CYYR1: variants seen among roughly 807,000 people sequenced by gnomAD.
CYYR1 encodes cysteine and tyrosine rich 1.
In CYYR1, 14 loss-of-function variants were observed where a neutral mutation model predicts 15.2. That is an observed-to-expected ratio of 0.92 (90% CI 0.61 to 1.44). The LOEUF (loss-of-function observed/expected upper bound fraction) is 1.44. Ranked by LOEUF, CYYR1 falls within the 40% of genes most tolerant of loss-of-function variation. The pLI, the probability that CYYR1 is intolerant of heterozygous loss-of-function variation, is 0.00. For synonymous variants in CYYR1, 80 were observed against 77.4 expected, an observed-to-expected ratio of 1.03 and a Z score of -0.18; for missense variants, 228 against 209.5, an observed-to-expected ratio of 1.09 and a Z score of -0.54.
chr21:26,544,673 G>C lies in CYYR1; in HGVS notation c.176+21593C>G, dbSNP rs117021329. 4.1e-3 allele frequency among the ~76,000 whole-genome samples: 630 copies of C among 152,302 alleles called. 5 individuals carry two copies. Among genetic ancestry groups the C allele is most frequent in the Non-Finnish European group, 5.6e-3 (380 of 68,018 alleles). On this transcript the variant is annotated intron_variant, in intron 2 of 3. Transcript: ENST00000652641. Reference sequence around the variant, plus strand: ...GGATCGATGATAATGTCAGAGGAAAGAGAATTGTATTAAAATTATTAAACA... The same window carrying C: ...GGATCGATGATAATGTCAGAGGAAACAGAATTGTATTAAAATTATTAAACA...
intron 2 of CYYR1, among the ~76,000 whole-genome samples, chr21:26,518,767 C>T (rs1373968483): frequency 6.6e-6 from 1 of 152,190 alleles, no homozygotes; most frequent in Non-Finnish European, 1.5e-5. Context: ...TGACACTTAA[C>T]AAATGCTTCA....
In CYYR1 at chr21:26,474,274, C is replaced by T. The variant is rs57715509; in HGVS notation, c.335-5640G>A. The stretch of plus-strand genomic sequence containing the variant: ...TTCACCATGTTGGTCAGGCTGGTCT[C>T]GAACTTCTGACCTCATGATCCTCCC... On this transcript the variant is annotated intron_variant, in intron 3 of 3. Coordinates refer to ENST00000652641, the MANE Select transcript of CYYR1 (RefSeq NM_001320768.2). 3.2e-3 allele frequency among the ~76,000 whole-genome samples: 484 copies of T among 151,904 alleles called. 2 individuals carry two copies. Among genetic ancestry groups the T allele is most frequent in the African/African-American group, 0.011 (461 of 41,460 alleles).
intron 2 of CYYR1, among the ~76,000 whole-genome samples, chr21:26,501,286 G>A (rs942351797): frequency 3.3e-5 from 5 of 152,192 alleles, no homozygotes; most frequent in East Asian, 1.9e-4. Context: ...GCAGTGAGCC[G>A]AGATTGCACC....
chr21:26,544,850 T>C (rs565334757), intron 2 of CYYR1, among the ~76,000 whole-genome samples: 11 of 151,674 alleles, frequency 7.3e-5, no homozygotes, highest in South Asian at 2.1e-4. Flanking sequence ...CTTTGGGAGG[T>C]TGAGGTGGAT....
At chr21:26,536,364 CT>C (rs376504053) in intron 2 of CYYR1, among the ~76,000 whole-genome samples, 27 of 152,202 alleles carry the variant, frequency 1.8e-4, no homozygotes, top group African/African-American at 5.5e-4. Context: ...CTTTATTATG[CT>C]TTTAATAAAT....
At chr21:26,541,720 C>T (rs1267645082) in intron 2 of CYYR1, among the ~76,000 whole-genome samples, 1 of 152,074 alleles carries the variant, frequency 6.6e-6, no homozygotes, top group African/African-American at 2.4e-5. Context: ...GTTTGCATAG[C>T]ATCTTATGTA....
chr21:26,509,747 G>A (rs547309914), intron 2 of CYYR1, among the ~76,000 whole-genome samples: 2 of 152,240 alleles, frequency 1.3e-5, no homozygotes, highest in Admixed American at 1.3e-4. Flanking sequence ...TTGCTACCGA[G>A]GATCTCACGA....
At position 26,526,111 on chromosome 21, in the gene CYYR1, G is replaced by A. The variant is rs939109886; in HGVS notation, c.176+40155C>T. Among the ~76,000 whole-genome samples, 6 of 152,022 alleles carry A rather than the reference G, an allele frequency of 3.9e-5. No homozygotes were observed. The East Asian group carries it at 9.7e-4, about 24-fold the overall frequency. On this transcript the variant is annotated intron_variant, in intron 2 of 3. Transcript: ENST00000652641. ...AATAATCTGTACAACAAACCCCCAC[G>A]ACACAAGTTTACTTATGTAACAAAC...
intron 2 of CYYR1, among the ~76,000 whole-genome samples, chr21:26,516,755 G>C (rs60846461): frequency 0.047 from 7,109 of 152,260 alleles, 199 homozygotes; most frequent in African/African-American, 0.061. Context: ...TTAACATTCA[G>C]CTATAAGCTA....
intron 3 of CYYR1, among the ~76,000 whole-genome samples, chr21:26,475,862 G>A (rs2065096423): frequency 6.6e-6 from 1 of 152,130 alleles, no homozygotes; most frequent in Non-Finnish European, 1.5e-5. Flanking sequence ...TTTCCTTCCA[G>A]TGTCTTCAAG....
At chr21:26,502,541 T>A (rs1158141459) in intron 2 of CYYR1, among the ~76,000 whole-genome samples, 1 of 152,262 alleles carries the variant, frequency 6.6e-6, no homozygotes, top group South Asian at 2.1e-4. Flanking sequence ...ACAAATTATT[T>A]CAGGCTATGA....
At position 26,466,980 on chromosome 21, in the gene CYYR1, T is replaced by C. The variant is rs560383993; in HGVS notation, c.*1521A>G. On this transcript the variant is annotated 3_prime_UTR_variant, in exon 4 of 4. Coordinates refer to ENST00000652641, the MANE Select transcript of CYYR1 (RefSeq NM_001320768.2). Reference sequence around the variant, plus strand: ...CTAATATAGGTATTTGAAAGTAATATATGCTACTTATAATAATGATATAGT... The same window carrying C: ...CTAATATAGGTATTTGAAAGTAATACATGCTACTTATAATAATGATATAGT... The C allele has an allele frequency of 6.6e-6, 1 of 152,308 alleles. No homozygotes were observed. The highest frequency in any genetic ancestry group is 2.1e-4 in the South Asian group (1 of 4,820). 9.4% of individuals were successfully genotyped at this position (152,308 alleles called of 1,614,324 possible). A position where few individuals can be genotyped will look rare whatever the true frequency, so the allele number is the denominator to read the frequency against.
chr21:26,491,739 G>A lies in CYYR1; in HGVS notation c.177-11310C>T, dbSNP rs1305131635. Among the ~76,000 whole-genome samples, 5 of 152,118 alleles carry A rather than the reference G, an allele frequency of 3.3e-5. 1 individual carries two copies. The highest frequency in any genetic ancestry group is 4.8e-5 in the African/African-American group (2 of 41,446). ...AGTAGACTCCAGACAATGAGTCCAC[G>A]TGCCTAACCCAGTGTCTTCTCCTGT... On this transcript the variant is annotated intron_variant, in intron 2 of 3. Transcript: ENST00000652641.
intron 2 of CYYR1, among the ~76,000 whole-genome samples, chr21:26,543,235 C>T (rs976716506): frequency 6.6e-6 from 1 of 152,012 alleles, no homozygotes; most frequent in Non-Finnish European, 1.5e-5. Flanking sequence ...TAATGCACGC[C>T]GGGCTTAATA....
At chr21:26,497,350 T>C (rs1427768505) in intron 2 of CYYR1, among the ~76,000 whole-genome samples, 1 of 152,154 alleles carries the variant, frequency 6.6e-6, no homozygotes, top group East Asian at 1.9e-4. Context: ...TCTTGTATCA[T>C]TCATGTAATA....
rs147894619 is a variant in CYYR1 at position 26,523,541 on chromosome 21, T to A, written c.176+42725A>T. 2.8e-4 allele frequency among the ~76,000 whole-genome samples: 42 copies of A among 152,318 alleles called. No individual in the cohort carries two copies. The East Asian group carries it at 7.9e-3, about 29-fold the overall frequency. ...GCCGGACTCTGTGTCATCTGACCTA[T>A]GTCAACTTCTTTCTGCCTACTATCT... On this transcript the variant is annotated intron_variant, in intron 2 of 3. Transcript: ENST00000652641.
chr21:26,507,486 A>G (rs1373207602), intron 2 of CYYR1, among the ~76,000 whole-genome samples: 3 of 152,364 alleles, frequency 2.0e-5, no homozygotes, highest in Non-Finnish European at 2.9e-5. Context: ...TTAAAAATTC[A>G]GATTTCTAGA....
intron 2 of CYYR1, among the ~76,000 whole-genome samples, chr21:26,503,118 A>G (rs1024341342): frequency 6.6e-6 from 1 of 152,186 alleles, no homozygotes; most frequent in Non-Finnish European, 1.5e-5. Context: ...TAGTCCACAA[A>G]ACAATCAGTC....
At chr21:26,473,032 T>G (rs2065055183) in intron 3 of CYYR1, among the ~76,000 whole-genome samples, 1 of 152,166 alleles carries the variant, frequency 6.6e-6, no homozygotes, top group South Asian at 2.1e-4. Context: ...ATCCTCAATT[T>G]TTATATTCTT....
Sources: allele counts gnomAD v4.1 joint callset (sites outside exome capture counted in the v4.1 genomes callset), GRCh38; gene constraint gnomAD v4.1.1; transcripts MANE v1.5; gene names NCBI Gene and HGNC (gene_info 2026-07-23, HGNC 2026-07-21).